Variants in SCARB1 observed in about 807,000 individuals in gnomAD.
The protein encoded by SCARB1 is scavenger receptor class B member 1, also known as CD36 and LIMPII analogous 1.
In SCARB1, 30 loss-of-function variants were observed where a neutral mutation model predicts 57.2. The observed-to-expected ratio is 0.52, with a 90% CI of 0.39 to 0.71. The LOEUF is 0.71. Among genes scored for constraint, SCARB1 ranks in the 30% least tolerant of loss-of-function variants. The pLI is 0.00. For missense variants in SCARB1, 543 were observed against 671.2 expected, an observed-to-expected ratio of 0.81 and a Z score of 2.11; for synonymous variants, 249 against 268.3, an observed-to-expected ratio of 0.93 and a Z score of 0.70.
chr12:124,838,098 C>T (rs1396139649), intron 1 of SCARB1, among the ~76,000 whole-genome samples: 1 of 152,210 alleles, frequency 6.6e-6, no homozygotes, highest in African/African-American at 2.4e-5. Flanking sequence ...AGCTGAGACA[C>T]AACCCGTGCA....
intron 7 of SCARB1, among the ~76,000 whole-genome samples, chr12:124,801,188 G>C (rs559207649): frequency 6.6e-6 from 1 of 151,926 alleles, no homozygotes; most frequent in Non-Finnish European, 1.5e-5. Context: ...AACAGAGCAA[G>C]ATCCTGTCTC....
rs186080586 is a variant in SCARB1 at position 124,821,578 on chromosome 12, C to A, written c.127-3871G>T. The A allele has an allele frequency of 2.1e-4, 206 of 983,148 alleles. 1 individual carries two copies. The East Asian group carries it at 0.015, about 71-fold the overall frequency. The allele number at this position is 983,148 out of a possible 1,614,324, so 60.9% of individuals were successfully genotyped here. ...CCAAAGGGAATCTTCAGAGACCCAG[C>A]GCAGCCCTGTCCAACTGGGTGATCA... On this transcript the variant is annotated intron_variant, in intron 1 of 12. Transcript: ENST00000261693.
chr12:124,863,566 G>A (rs1324362106), intron 1 of SCARB1, 29 bp downstream of exon 1: 4 of 1,592,382 alleles, frequency 2.5e-6, no homozygotes, highest in Non-Finnish European at 2.6e-6. Flanking sequence ...GGGTCCGTGC[G>A]CGGACCCCCT....
intron 9 of SCARB1, among the ~76,000 whole-genome samples, chr12:124,792,343 G>A (rs1949763183): frequency 6.6e-6 from 1 of 152,054 alleles, no homozygotes. Flanking sequence ...CCAGTCCACA[G>A]GGAGGTCAGC....
At chr12:124,828,620 C>A (rs1369055152) in intron 1 of SCARB1, among the ~76,000 whole-genome samples, 1 of 152,244 alleles carries the variant, frequency 6.6e-6, no homozygotes, top group African/African-American at 2.4e-5. Flanking sequence ...GACACTGAGG[C>A]TCCAAAGCCA....
At chr12:124,860,029 C>T (rs1381724469) in intron 1 of SCARB1, among the ~76,000 whole-genome samples, 2 of 148,126 alleles carry the variant, frequency 1.4e-5, no homozygotes, top group African/African-American at 5.0e-5. Flanking sequence ...CAGTTCACTG[C>T]AACCTCAGCC....
chr12:124,840,180 T>C (rs1951854526), intron 1 of SCARB1, among the ~76,000 whole-genome samples: 1 of 150,422 alleles, frequency 6.6e-6, no homozygotes, highest in African/African-American at 2.5e-5. Flanking sequence ...CCGTTGGCTA[T>C]CTGCATTTTT....
At chr12:124,847,383 C>T (rs1409905582) in intron 1 of SCARB1, among the ~76,000 whole-genome samples, 1 of 152,204 alleles carries the variant, frequency 6.6e-6, no homozygotes, top group East Asian at 1.9e-4. Flanking sequence ...CAGACAGGGC[C>T]AAGATGATCT....
rs181373506 is a variant in SCARB1 at position 124,860,841 on chromosome 12, T to C, written c.126+2754A>G. Among the ~76,000 whole-genome samples the C allele has an allele frequency of 2.6e-5, 4 of 152,334 alleles. No homozygotes were observed. The East Asian group carries it at 7.7e-4, about 29-fold the overall frequency. Reference sequence around the variant, plus strand: ...GATGAAGGAAAACGCGGGGTAGACTTATTGCTGAGACATGGAAAATTTTTC... The same window carrying C: ...GATGAAGGAAAACGCGGGGTAGACTCATTGCTGAGACATGGAAAATTTTTC... On this transcript the variant is annotated intron_variant, in intron 1 of 12. Transcript: ENST00000261693.
chr12:124,841,460 C>A (rs1401151820), intron 1 of SCARB1, among the ~76,000 whole-genome samples: 1 of 144,446 alleles, frequency 6.9e-6, no homozygotes, highest in Non-Finnish European at 1.5e-5. Flanking sequence ...CCAGCCTGGG[C>A]GACAGAGAAA....
chr12:124,782,973 T>C (rs1457396532), intron 11 of SCARB1, 162 bp from the exon 12 acceptor site: 2 of 686,750 alleles, frequency 2.9e-6, no homozygotes, highest in Non-Finnish European at 5.0e-6. Flanking sequence ...TGTGGGGAGC[T>C]GCCGCTCTTA....
Position 124,814,551 on chromosome 12 carries a change from G to T in SCARB1, c.427-146C>A. ...CTGGAGTGGCCACGTGGGGCATCTG[G>T]GACACCAGAACCACCCTCTGCTCCT... On this transcript the variant is annotated intron_variant, in intron 3 of 12. Transcript: ENST00000261693. The surrounding 1 kb of genome is among the most constrained non-coding windows in gnomAD (Gnocchi z 4.7). 1 of 813,720 alleles carries T rather than the reference G, an allele frequency of 1.2e-6. No homozygotes were observed. Among genetic ancestry groups the T allele is most frequent in the Non-Finnish European group, 2.1e-6 (1 of 482,324 alleles). The allele number at this position is 813,720 out of a possible 1,614,324, so 50.4% of individuals were successfully genotyped here. A position where few individuals can be genotyped will look rare whatever the true frequency, so the allele number is the denominator to read the frequency against.
intron 1 of SCARB1, among the ~76,000 whole-genome samples, chr12:124,835,998 T>C (rs1450077975): frequency 2.0e-5 from 3 of 152,234 alleles, no homozygotes; most frequent in South Asian, 2.1e-4. Context: ...CCCTGTCCTA[T>C]AGTAACACAC....
chr12:124,814,078 T>G lies in SCARB1; in HGVS notation c.630+124A>C. 1.1e-6 allele frequency: 1 copy of G among 913,978 alleles called. No individual in the cohort carries two copies. Among genetic ancestry groups the G allele is most frequent in the South Asian group, 1.3e-5 (1 of 76,034 alleles). 56.6% of individuals were successfully genotyped at this position (913,978 alleles called of 1,614,324 possible). Reference sequence around the variant, plus strand: ...GGTTTGAGTCAGGTTCTCAGTCACTTACAACCCACAGCCACTAGATCCCCA... The same window carrying G: ...GGTTTGAGTCAGGTTCTCAGTCACTGACAACCCACAGCCACTAGATCCCCA... On this transcript the variant is annotated intron_variant, in intron 4 of 12. Coordinates refer to ENST00000261693, the MANE Select transcript of SCARB1 (RefSeq NM_005505.5). The surrounding 1 kb of genome is among the most constrained non-coding windows in gnomAD (Gnocchi z 4.7).
At chr12:124,804,017 G>A (rs1200363262) in intron 7 of SCARB1, among the ~76,000 whole-genome samples, 7 of 152,228 alleles carry the variant, frequency 4.6e-5, no homozygotes, top group Non-Finnish European at 1.0e-4. Flanking sequence ...TGGAGGGGAT[G>A]GGCATGTCGT....
chr12:124,786,007 C>T, intron 11 of SCARB1: 2 of 1,445,086 alleles, frequency 1.4e-6, no homozygotes, highest in Non-Finnish European at 9.2e-7. Context: ...GTCTCCTCTA[C>T]TGCTGTACGT....
chr12:124,854,414 T>C (rs900843934), intron 1 of SCARB1, among the ~76,000 whole-genome samples: 4 of 152,156 alleles, frequency 2.6e-5, no homozygotes, highest in African/African-American at 9.7e-5. Context: ...CTGTGACTCC[T>C]AGGGGACGGG....
rs758505361 is a variant in SCARB1 at position 124,782,725 on chromosome 12, T to C, written c.1488A>G (p.Thr496=). 6.2e-7 allele frequency: 1 copy of C among 1,614,168 alleles called. No individual in the cohort carries two copies. Among genetic ancestry groups the C allele is most frequent in the South Asian group, 1.1e-5 (1 of 91,078 alleles). ...AIQAYSESLM[T]SAPKGSVLQE... Reference sequence around the variant, plus strand: ...GCAGCACAGAGCCCTTGGGAGCTGATGTCATCAGGGATTCAGAATAGGCCT... The same window carrying C: ...GCAGCACAGAGCCCTTGGGAGCTGACGTCATCAGGGATTCAGAATAGGCCT... Residue 496 remains threonine, a synonymous_variant, in exon 12 of 13, where the codon ACA becomes ACG. Transcript: ENST00000261693.
intron 1 of SCARB1, among the ~76,000 whole-genome samples, chr12:124,838,306 G>A (rs1465863084): frequency 2.6e-5 from 4 of 152,038 alleles, no homozygotes; most frequent in South Asian, 4.1e-4. Flanking sequence ...CTCCCACCCC[G>A]GTCCCCTGAT....
Sources: gnomAD v4.1 joint callset for allele counts (sites outside exome capture counted in the v4.1 genomes callset) on GRCh38, gnomAD v4.1.1 for gene constraint, Gnocchi (gnomAD v3.1) non-coding constraint, MANE v1.5 for transcripts, NCBI Gene and HGNC (gene_info 2026-07-23, HGNC 2026-07-21) for gene names.